Variants in ELFN2 observed in about 807,000 individuals in gnomAD.
The protein encoded by ELFN2 is protein phosphatase 1 regulatory subunit 29.
In ELFN2, 17 loss-of-function variants were observed where a neutral mutation model predicts 45.5. The observed-to-expected ratio is 0.37, with a 90% CI of 0.26 to 0.56. ELFN2 has a LOEUF of 0.56. Ranked by LOEUF, ELFN2 falls within the 20% of genes least tolerant of loss-of-function variation. The probability of loss-of-function intolerance (pLI) is 0.77; values close to 1 mark genes in which losing one functional copy is unlikely to be tolerated. For missense variants in ELFN2, 922 were observed against 1,183.2 expected (o/e 0.78, Z 3.24); for synonymous variants, 550 against 551.5 (o/e 1.00, Z 0.04).
downstream of ELFN2, among the ~76,000 whole-genome samples, chr22:37,366,308 A>G (rs1311019639): frequency 6.6e-6 from 1 of 152,204 alleles, no homozygotes; most frequent in African/African-American, 2.4e-5. Flanking sequence ...GTGACTTTCT[A>G]AGCCTAAGAA....
At chr22:37,404,166 G>A (rs920904388) in intron 2 of ELFN2, among the ~76,000 whole-genome samples, 8 of 152,366 alleles carry the variant, frequency 5.3e-5, no homozygotes, top group African/African-American at 1.9e-4. Flanking sequence ...CAGATCTCAA[G>A]GTTCTGGATC....
chr22:37,383,665 C>T (rs1171998888), intron 2 of ELFN2, among the ~76,000 whole-genome samples: 1 of 152,256 alleles, frequency 6.6e-6, no homozygotes, highest in Admixed American at 6.5e-5. Context: ...CGCACACCCA[C>T]CCACGTTGCT....
intron 2 of ELFN2, among the ~76,000 whole-genome samples, chr22:37,380,835 C>A (rs899258697): frequency 1.3e-5 from 2 of 152,146 alleles, no homozygotes; most frequent in Non-Finnish European, 2.9e-5. Flanking sequence ...AGACTCAAGC[C>A]GGGGGTCTGA....
At chr22:37,421,558 G>C (rs1348738221) in intron 1 of ELFN2, among the ~76,000 whole-genome samples, 1 of 152,130 alleles carries the variant, frequency 6.6e-6, no homozygotes, top group African/African-American at 2.4e-5. Context: ...AGAGGTTCCC[G>C]TGTCTCACCT....
At chr22:37,401,958 C>T (rs1932374805) in intron 2 of ELFN2, among the ~76,000 whole-genome samples, 1 of 152,168 alleles carries the variant, frequency 6.6e-6, no homozygotes, top group Admixed American at 6.5e-5. Flanking sequence ...TCAACCTGCC[C>T]CAGGGAGGCT....
At chr22:37,415,388 A>G (rs1932749093) in intron 2 of ELFN2, among the ~76,000 whole-genome samples, 1 of 152,240 alleles carries the variant, frequency 6.6e-6, no homozygotes, top group African/African-American at 2.4e-5. Context: ...CTGTGGGGAC[A>G]GGGCTCGCCT....
Position 37,374,063 on chromosome 22 carries a change from A to G in ELFN2, c.1472T>C (p.Leu491Pro), listed in dbSNP as rs776311867. The change falls in exon 3 of 3, where the codon CTG becomes CCG. Residue 491 changes from leucine to proline, a missense_variant. Physicochemically the swap from Leu to Pro is moderately conservative, Grantham distance 98. Coordinates refer to ENST00000402918, the MANE Select transcript of ELFN2 (RefSeq NM_052906.5). ...TTTGGTGGCTACCTTGGGTGTGTCC[A>G]GCCCGGCCTCCAACCCCTTGGCGGT... ...LPTAKGLEAG[L>P]DTPKVATKGN... 6.2e-6 allele frequency: 10 copies of G among 1,613,076 alleles called. No homozygotes were observed.
chr22:37,348,150 T>C (rs1930738968), intron 1 of ELFN2, among the ~76,000 whole-genome samples: 1 of 152,196 alleles, frequency 6.6e-6, no homozygotes, highest in Non-Finnish European at 1.5e-5. Flanking sequence ...CAGAGGCCAG[T>C]GTGGGCCACG....
At position 37,407,851 on chromosome 22, in the gene ELFN2, C is replaced by T. The variant is rs7292723; in HGVS notation, c.-463+9918G>A. ...CGGAGCTTGCAGTAAGCCGAGATCG[C>T]GCCACTACACTCCAGCCTGGGGGAC... On this transcript the variant is annotated intron_variant, in intron 2 of 2. Transcript: ENST00000402918. Among the ~76,000 whole-genome samples, 1,093 of 151,826 alleles carry T rather than the reference C, an allele frequency of 7.2e-3. 13 individuals carry two copies. Among genetic ancestry groups the T allele is most frequent in the African/African-American group, 0.024 (976 of 41,376 alleles).
chr22:37,386,522 C>T lies in ELFN2; in HGVS notation c.-462-10526G>A, dbSNP rs146671678. On this transcript the variant is annotated intron_variant, in intron 2 of 2. Coordinates refer to ENST00000402918, the MANE Select transcript of ELFN2 (RefSeq NM_052906.5). ...CGCAAGGGGTCAGTATGGACACCAG[C>T]TGGGGTGGCCCAAATTCCCTCCCCC... Among the ~76,000 whole-genome samples the T allele has an allele frequency of 1.5e-4, 23 of 152,342 alleles. No homozygotes were observed. The East Asian group carries it at 3.5e-3, about 23-fold the overall frequency.
intron 1 of ELFN2, among the ~76,000 whole-genome samples, chr22:37,351,045 G>A (rs1463507380): frequency 6.7e-6 from 1 of 150,194 alleles, no homozygotes; most frequent in Non-Finnish European, 1.5e-5. Flanking sequence ...TAAATGAGGG[G>A]TGCCATTTCT....
chr22:37,373,443 C>T lies in ELFN2; in HGVS notation c.2092G>A (p.Glu698Lys). The change falls in exon 3 of 3, where the codon GAG becomes AAG. Residue 698 changes from glutamate (E) to lysine (K), a missense_variant. Physicochemically the swap from Glu to Lys is moderately conservative, Grantham distance 56. Transcript: ENST00000402918. ...CTGCAGTGGTAGGCCGGCTTCACCTCCAGGTGGTGGATGCCCCCGCCCCCG... is the reference window on the plus strand; with the variant it reads ...CTGCAGTGGTAGGCCGGCTTCACCTTCAGGTGGTGGATGCCCCCGCCCCCG... The part of the protein sequence containing the change: ...SGGGGGIHHL[E>K]VKPAYHCSEH... 1.9e-6 allele frequency: 3 copies of T among 1,546,054 alleles called. No individual in the cohort carries two copies. Among genetic ancestry groups the T allele is most frequent in the Non-Finnish European group, 1.7e-6 (2 of 1,147,810 alleles).
chr22:37,401,586 G>T (rs1029841608), intron 2 of ELFN2, among the ~76,000 whole-genome samples: 2 of 152,158 alleles, frequency 1.3e-5, no homozygotes, highest in Non-Finnish European at 2.9e-5. Flanking sequence ...AGGAAACACG[G>T]CCCCAGCTGG....
exon 3 of ELFN2, chr22:37,340,948 C>T (rs2145604589): frequency 6.6e-6 from 1 of 152,352 alleles, no homozygotes; most frequent in Non-Finnish European, 1.5e-5. Flanking sequence ...GCTTTGAAAC[C>T]ACATCTGTCT....
chr22:37,385,551 G>A (rs4820286), intron 2 of ELFN2, among the ~76,000 whole-genome samples: 66,233 of 152,150 alleles, frequency 0.44, 14,843 homozygotes, highest in Admixed American at 0.6. Context: ...GGCACAGGCC[G>A]GGGCAGCATC....
Position 37,374,341 on chromosome 22 carries a change from G to C in ELFN2, c.1194C>G (p.Ile398Met). 6.2e-7 allele frequency: 1 copy of C among 1,614,066 alleles called. No homozygotes were observed. Among genetic ancestry groups the C allele is most frequent in the Non-Finnish European group, 8.5e-7 (1 of 1,180,030 alleles). The change falls in exon 3 of 3, where the codon ATC becomes ATG. Residue 398 changes from isoleucine (I) to methionine (M), a missense_variant. This residue lies in a region of ELFN2 where 564 missense variants were observed against 642.8 expected (regional missense o/e 0.88). Transcript: ENST00000402918. ...CAAAGAGGCAGCCCAGGATGGTCAT[G>C]ATGTAGTGGGTGGTGGTGGAGGTGC... The part of the protein sequence containing the change: ...APSTSTTTHY[I>M]MTILGCLFGM...
At chr22:37,356,521 C>G (rs988683356) in intron 1 of ELFN2, among the ~76,000 whole-genome samples, 1 of 152,212 alleles carries the variant, frequency 6.6e-6, no homozygotes, top group African/African-American at 2.4e-5. Context: ...TTTGAAACAT[C>G]AAGAGCCCTC....
At chr22:37,405,660 C>G (rs1932479935) in intron 2 of ELFN2, among the ~76,000 whole-genome samples, 1 of 152,126 alleles carries the variant, frequency 6.6e-6, no homozygotes, top group African/African-American at 2.4e-5. Flanking sequence ...GAACTGACCA[C>G]CACGTGATCG....
intron 1 of ELFN2, among the ~76,000 whole-genome samples, chr22:37,424,254 C>T (rs1287546349): frequency 6.6e-6 from 1 of 152,202 alleles, no homozygotes; most frequent in African/African-American, 2.4e-5. Context: ...TGCCACCACC[C>T]TCTTACAGAG....
Sources: gnomAD v4.1 joint callset for allele counts (sites outside exome capture counted in the v4.1 genomes callset) on GRCh38, gnomAD v4.1.1 for gene constraint, gnomAD v4.1.1 regional missense constraint, MANE v1.5 for transcripts, NCBI Gene and HGNC (gene_info 2026-07-23, HGNC 2026-07-21) for gene names.